The following FARS2 variants were observed in gnomAD, a reference collection of about 807,000 sequenced individuals.
The protein encoded by FARS2 is phenylalanyl-tRNA synthetase 2, mitochondrial, also known as phenylalanine--tRNA ligase, mitochondrial.
In FARS2, 40 loss-of-function variants were observed where a neutral mutation model predicts 46.4. That is an observed-to-expected ratio of 0.86 (90% confidence interval 0.67 to 1.12). FARS2 has a LOEUF of 1.12. FARS2 is among the 50% of genes most tolerant of loss of function. FARS2 has a pLI of 0.00. For synonymous variants in FARS2, 234 were observed against 214.9 expected (o/e 1.09, Z -0.78); for missense variants, 513 against 567.9 (o/e 0.90, Z 0.98).
chr6:5,720,915 A>T (rs965149), intron 6 of FARS2, among the ~76,000 whole-genome samples: 145,328 of 152,184 alleles, frequency 0.95, 69,439 homozygotes, highest in East Asian at 1. Flanking sequence ...TAGCTGTGCT[A>T]GGTAGCACAT....
intron 4 of FARS2, among the ~76,000 whole-genome samples, chr6:5,527,947 G>T (rs1265173112): frequency 6.6e-6 from 1 of 152,082 alleles, no homozygotes; most frequent in African/African-American, 2.4e-5. Flanking sequence ...ATGCTGTACT[G>T]GGGGCTAGTC....
rs1773585623 is a variant in FARS2, at chr6:5,585,833, C to T, written c.1066-27336C>T. Among the ~76,000 whole-genome samples the T allele has an allele frequency of 2.0e-5, 3 of 151,830 alleles. No homozygotes were observed. The South Asian group carries it at 6.2e-4, about 32-fold the overall frequency. On this transcript the variant is annotated intron_variant, in intron 5 of 6. Transcript: ENST00000274680. ...TTATCAATGATACTTAGGCTGTTTC[C>T]ACATATTAGCTAGTATAACTAATGC...
At chr6:5,327,501 C>G (rs910008439) in intron 1 of FARS2, among the ~76,000 whole-genome samples, 4 of 152,108 alleles carry the variant, frequency 2.6e-5, no homozygotes, top group Non-Finnish European at 5.9e-5. Flanking sequence ...GTGAATATGT[C>G]TCATGAAATC....
chr6:5,647,775 A>T (rs541860794), intron 6 of FARS2, among the ~76,000 whole-genome samples: 23 of 152,344 alleles, frequency 1.5e-4, no homozygotes, highest in Middle Eastern at 3.4e-3. Flanking sequence ...CTTGCACAGA[A>T]TCATCAGTGC....
intron 1 of FARS2, among the ~76,000 whole-genome samples, chr6:5,334,434 G>C (rs1029357382): frequency 1.3e-5 from 2 of 152,208 alleles, no homozygotes; most frequent in Non-Finnish European, 2.9e-5. Context: ...CCTTTATAGA[G>C]TTACTGATTT....
intron 6 of FARS2, among the ~76,000 whole-genome samples, chr6:5,620,434 T>C (rs1775711132): frequency 1.3e-5 from 2 of 152,192 alleles, no homozygotes; most frequent in African/African-American, 4.8e-5. Context: ...TGGGGGCTCT[T>C]GTCCCAAGGA....
chr6:5,336,161 T>C (rs1336990966), intron 1 of FARS2, among the ~76,000 whole-genome samples: 2 of 152,146 alleles, frequency 1.3e-5, no homozygotes, highest in Non-Finnish European at 2.9e-5. Context: ...TTGTGTTTTA[T>C]TTTTATTTTT....
chr6:5,466,922 A>G, intron 4 of FARS2: 1 of 985,414 alleles, frequency 1.0e-6, no homozygotes. Context: ...CTTATGCTGC[A>G]GTGACTTCTC....
intron 4 of FARS2, among the ~76,000 whole-genome samples, chr6:5,449,412 A>G (rs1231798694): frequency 6.6e-6 from 1 of 151,604 alleles, no homozygotes; most frequent in Non-Finnish European, 1.5e-5. Flanking sequence ...TTTTTTATAT[A>G]TGTGTATATA....
intron 2 of FARS2, among the ~76,000 whole-genome samples, chr6:5,391,938 T>A (rs533988128): frequency 6.6e-6 from 1 of 152,222 alleles, no homozygotes; most frequent in Non-Finnish European, 1.5e-5. Context: ...GAATTTGTAT[T>A]CTGGGTCATT....
intron 4 of FARS2, among the ~76,000 whole-genome samples, chr6:5,521,796 A>G (rs2150427983): frequency 6.6e-6 from 1 of 152,260 alleles, no homozygotes; most frequent in East Asian, 1.9e-4. Flanking sequence ...TTCATGTTTT[A>G]ACCAGTCTTG....
intron 1 of FARS2, among the ~76,000 whole-genome samples, chr6:5,325,361 C>T (rs1770294861): frequency 6.6e-6 from 1 of 152,228 alleles, no homozygotes; most frequent in Admixed American, 6.5e-5. Flanking sequence ...GTGCTAAGTG[C>T]ACCTAGCGGG....
intron 2 of FARS2, among the ~76,000 whole-genome samples, chr6:5,387,144 G>A (rs186090101): frequency 2.5e-4 from 38 of 152,162 alleles, no homozygotes; most frequent in Non-Finnish European, 4.7e-4. Flanking sequence ...TGGACCGTTT[G>A]TTTAAAGGAA....
chr6:5,468,987 G>A (rs74428354), intron 4 of FARS2, among the ~76,000 whole-genome samples: 1,754 of 152,244 alleles, frequency 0.012, 20 homozygotes, highest in African/African-American at 0.04. Flanking sequence ...TATGTGACGG[G>A]TAAATTTTGA....
intron 6 of FARS2, among the ~76,000 whole-genome samples, chr6:5,751,793 C>CA (rs1348048333): frequency 6.6e-6 from 1 of 152,112 alleles, no homozygotes; most frequent in Non-Finnish European, 1.5e-5. Context: ...AATGAGATCA[C>CA]AAAAAAGGAC....
chr6:5,454,197 A>T (rs1281209773), intron 4 of FARS2, among the ~76,000 whole-genome samples: 50 of 144,066 alleles, frequency 3.5e-4, no homozygotes, highest in South Asian at 4.4e-4. Context: ...TTCTCCCTCC[A>T]TTTTTTTTTT....
intron 6 of FARS2, among the ~76,000 whole-genome samples, chr6:5,679,528 G>A (rs1263625590): frequency 1.3e-5 from 2 of 152,106 alleles, no homozygotes; most frequent in East Asian, 1.9e-4. Context: ...AACACTCCCT[G>A]GGTTGTTAAC....
chr6:5,373,376 G>C (rs974001806), intron 2 of FARS2, among the ~76,000 whole-genome samples: 9 of 152,048 alleles, frequency 5.9e-5, no homozygotes, highest in African/African-American at 1.9e-4. Flanking sequence ...CGTGTCTCCT[G>C]AAGGAAGGAT....
At position 5,594,447 on chromosome 6, in the gene FARS2, G is replaced by A. The variant is rs145330288; in HGVS notation, c.1066-18722G>A. On this transcript the variant is annotated intron_variant, in intron 5 of 6. Transcript: ENST00000274680. Reference sequence around the variant, plus strand: ...TTTGTTTCTCCCTTCCTTCTTTGCCGCATCAGTGAGGTCGAGGCAGGAGAC... The same window carrying A: ...TTTGTTTCTCCCTTCCTTCTTTGCCACATCAGTGAGGTCGAGGCAGGAGAC... Among the ~76,000 whole-genome samples, 900 of 152,264 alleles carry A rather than the reference G, an allele frequency of 5.9e-3. 3 individuals carry two copies. Among genetic ancestry groups the A allele is most frequent in the South Asian group, 0.026 (124 of 4,822 alleles).
Sources: gnomAD v4.1 joint callset for allele counts (sites outside exome capture counted in the v4.1 genomes callset) on GRCh38, gnomAD v4.1.1 for gene constraint, MANE v1.5 for transcripts, NCBI Gene and HGNC (gene_info 2026-07-23, HGNC 2026-07-21) for gene names.